The following STXBP4 variants were observed in gnomAD, a reference collection of about 807,000 sequenced individuals.
STXBP4 encodes the protein syntaxin binding protein 4, also known as syntaxin-binding protein 4.
In STXBP4, 55 loss-of-function variants were observed where a neutral mutation model predicts 76.1. That is an observed-to-expected ratio of 0.72 (90% CI 0.58 to 0.91). The LOEUF is 0.91. Among genes scored for constraint, STXBP4 ranks in the 40% least tolerant of loss-of-function variants. STXBP4 has a pLI of 0.00. For missense variants in STXBP4, 618 were observed against 636.9 expected (o/e 0.97, Z 0.32); for synonymous variants, 201 against 220.2 (o/e 0.91, Z 0.77).
chr17:55,089,232 A>T (rs1567756552), intron 16 of STXBP4, among the ~76,000 whole-genome samples: 2 of 152,158 alleles, frequency 1.3e-5, no homozygotes, highest in Admixed American at 1.3e-4. Flanking sequence ...TGCCATGACT[A>T]CTGCTGGTGC....
In STXBP4 at chr17:55,047,090, A is replaced by G; in HGVS notation, c.947A>G (p.Glu316Gly). The change falls in exon 12 of 18, where the codon GAA (glutamate) becomes GGA (glycine). Residue 316 changes from glutamate to glycine, a missense_variant and splice_region_variant. Coordinates refer to ENST00000376352, the MANE Select transcript of STXBP4 (RefSeq NM_178509.6). Reference sequence around the variant, plus strand: ...TAATTTGGTGGTTTTTAAATATAGGAAAAATTATTGGAATCAGATAAGCAA... The same window carrying G: ...TAATTTGGTGGTTTTTAAATATAGGGAAAATTATTGGAATCAGATAAGCAA... ...DALKEVNTLK[E>G]KLLESDKQRK... is the part of the protein sequence containing the mutation. 6.3e-7 allele frequency: 1 copy of G among 1,598,906 alleles called. No individual in the cohort carries two copies. Among genetic ancestry groups the G allele is most frequent in the Non-Finnish European group, 8.6e-7 (1 of 1,168,512 alleles).
Position 55,075,405 on chromosome 17 carries a change from A to C in STXBP4, c.1188+2329A>C, listed in dbSNP as rs183330759. ...TTGTTTCTTGTACTCTATTGTGTGG[A>C]TATACTACGTGTAATTATCCATTCT... is the stretch of plus-strand genomic sequence containing the variant. On this transcript the variant is annotated intron_variant, in intron 13 of 17. Coordinates refer to ENST00000376352, the MANE Select transcript of STXBP4 (RefSeq NM_178509.6). Among the ~76,000 whole-genome samples the C allele has an allele frequency of 2.0e-4, 31 of 152,194 alleles. No individual in the cohort carries two copies. In the East Asian group the frequency reaches 5.8e-3, roughly 28 times the overall value.
intron 7 of STXBP4, among the ~76,000 whole-genome samples, chr17:55,003,408 T>G (rs1254625700): frequency 6.6e-6 from 1 of 152,172 alleles, no homozygotes; most frequent in Non-Finnish European, 1.5e-5. Context: ...ATCAACTCAG[T>G]CTCATTTTCT....
At chr17:54,973,376 C>A (rs2077426470) in intron 1 of STXBP4, among the ~76,000 whole-genome samples, 2 of 152,154 alleles carry the variant, frequency 1.3e-5, no homozygotes, top group African/African-American at 4.8e-5. Flanking sequence ...TTACTTTTGT[C>A]TCAGGTAAAA....
At chr17:55,023,567 A>G (rs891082392) in intron 8 of STXBP4, among the ~76,000 whole-genome samples, 39 of 152,336 alleles carry the variant, frequency 2.6e-4, no homozygotes, top group Admixed American at 8.5e-4. Flanking sequence ...TGGCACTCAA[A>G]AAGTTTTGGA....
At chr17:55,069,510 TTGCTAAATACGGCACAC>T (rs1316495102) in intron 12 of STXBP4, among the ~76,000 whole-genome samples, 13 of 152,192 alleles carry the variant, frequency 8.5e-5, no homozygotes, top group Non-Finnish European at 1.8e-4. Context: ...TGATCTTGTA[TTGCTAAATACGGCACAC>T]TGCTGTTATC....
rs75928123 is a variant in STXBP4, at chr17:55,136,388, G to T, written c.1490-4922G>T. Among the ~76,000 whole-genome samples the T allele has an allele frequency of 4.1e-3, 631 of 152,106 alleles. 5 individuals carry two copies. Among genetic ancestry groups the T allele is most frequent in the African/African-American group, 0.011 (458 of 41,508 alleles). Reference sequence around the variant, plus strand: ...CTTGCAAGAACTTTGTGAGCCAATTGTCAAACATAATCATTATTAATAATT... The same window carrying T: ...CTTGCAAGAACTTTGTGAGCCAATTTTCAAACATAATCATTATTAATAATT... On this transcript the variant is annotated intron_variant, in intron 16 of 17. Transcript: ENST00000376352.
intron 16 of STXBP4, among the ~76,000 whole-genome samples, chr17:55,082,530 TACAGG>T (rs1314862456): frequency 6.6e-6 from 1 of 152,152 alleles, no homozygotes; most frequent in Non-Finnish European, 1.5e-5. Flanking sequence ...TTAAACATTA[TACAGG>T]ACACAGAACA....
At chr17:55,147,307 C>T (rs1287787607) in intron 17 of STXBP4, among the ~76,000 whole-genome samples, 2 of 152,168 alleles carry the variant, frequency 1.3e-5, no homozygotes, top group East Asian at 1.9e-4. Context: ...AGCACGCAAC[C>T]TCAATCCTTT....
chr17:55,025,923 G>A (rs2078403914), intron 8 of STXBP4, among the ~76,000 whole-genome samples: 1 of 152,092 alleles, frequency 6.6e-6, no homozygotes, highest in South Asian at 2.1e-4. Flanking sequence ...ACCTAAAAAT[G>A]AGTTCAGCAA....
At chr17:55,029,083 G>C (rs1336339649) in intron 8 of STXBP4, among the ~76,000 whole-genome samples, 3 of 151,648 alleles carry the variant, frequency 2.0e-5, no homozygotes, top group Non-Finnish European at 4.4e-5. Context: ...AGTTATAAAA[G>C]CCTGTTAATC....
At position 55,119,456 on chromosome 17, in the gene STXBP4, C is replaced by A. The variant is rs558430235; in HGVS notation, c.1490-21854C>A. On this transcript the variant is annotated intron_variant, in intron 16 of 17. Coordinates refer to ENST00000376352, the MANE Select transcript of STXBP4 (RefSeq NM_178509.6). ...ATTCTGCCCTTGGATTATTTTATAACCATTCTTAATTCTCAATCCACTTTA... is the reference window on the plus strand; with the variant it reads ...ATTCTGCCCTTGGATTATTTTATAAACATTCTTAATTCTCAATCCACTTTA... 9.9e-5 allele frequency among the ~76,000 whole-genome samples: 15 copies of A among 152,030 alleles called. 1 individual carries two copies. The South Asian group carries it at 3.1e-3, about 32-fold the overall frequency.
At chr17:54,996,670 T>C (rs1254262831) in intron 4 of STXBP4, among the ~76,000 whole-genome samples, 1 of 152,144 alleles carries the variant, frequency 6.6e-6, no homozygotes. Flanking sequence ...GCTGAACAAC[T>C]TGCCTCAGTT....
chr17:54,975,921 C>G (rs556654212), intron 1 of STXBP4, among the ~76,000 whole-genome samples: 1 of 152,314 alleles, frequency 6.6e-6, no homozygotes, highest in South Asian at 2.1e-4. Flanking sequence ...GACACCCTCC[C>G]CAGTCTAAAT....
At chr17:55,013,180 A>ACTCAT (rs2144579797) in intron 8 of STXBP4, among the ~76,000 whole-genome samples, 1 of 152,302 alleles carries the variant, frequency 6.6e-6, no homozygotes, top group East Asian at 1.9e-4. Flanking sequence ...CAGTTTCCTT[A>ACTCAT]CTCAGGTATG....
In STXBP4 at chr17:55,163,096, C is replaced by T. The variant is rs2080351225; in HGVS notation, c.*3185C>T. ...AGTTACATTCATTTTAATTTTGGTA[C>T]ATATCCATAAATTCTCCATAAAAGT... On this transcript the variant is annotated 3_prime_UTR_variant, in exon 18 of 18. Coordinates refer to ENST00000376352, the MANE Select transcript of STXBP4 (RefSeq NM_178509.6). 1 of 152,018 alleles carries T rather than the reference C, an allele frequency of 6.6e-6. No homozygotes were observed. The highest frequency in any genetic ancestry group is 1.9e-4 in the East Asian group (1 of 5,188). 9.4% of individuals were successfully genotyped at this position (152,018 alleles called of 1,614,324 possible). A position where few individuals can be genotyped will look rare whatever the true frequency, so the allele number is the denominator to read the frequency against.
At chr17:55,041,299 C>G (rs754258239) in intron 10 of STXBP4, among the ~76,000 whole-genome samples, 1 of 146,788 alleles carries the variant, frequency 6.8e-6, no homozygotes, top group South Asian at 2.1e-4. Flanking sequence ...GGTGCAATCT[C>G]GGCTCACTGC....
At chr17:55,138,867 T>C (rs1310738583) in intron 16 of STXBP4, among the ~76,000 whole-genome samples, 1 of 152,072 alleles carries the variant, frequency 6.6e-6, no homozygotes, top group East Asian at 1.9e-4. Flanking sequence ...AGTTTGTAAT[T>C]GGACAGTGAT....
intron 1 of STXBP4, among the ~76,000 whole-genome samples, chr17:54,975,468 C>G (rs1428164626): frequency 6.4e-5 from 9 of 140,852 alleles, no homozygotes; most frequent in African/African-American, 2.0e-4. Context: ...AATGCACTGA[C>G]AGACAGTCTC....
Sources: allele counts gnomAD v4.1 joint callset (sites outside exome capture counted in the v4.1 genomes callset), GRCh38; gene constraint gnomAD v4.1.1; transcripts MANE v1.5; gene names NCBI Gene and HGNC (gene_info 2026-07-23, HGNC 2026-07-21).